Variants in RYR2 observed in about 807,000 individuals in gnomAD.
The protein encoded by RYR2 is cardiac muscle ryanodine receptor-calcium release channel.
RYR2 carries 227 observed loss-of-function variants against 601.1 expected under a neutral mutation model. The observed-to-expected ratio is 0.38, with a 90% CI of 0.34 to 0.42. The LOEUF (loss-of-function observed/expected upper bound fraction) is 0.42. RYR2 is among the 10% of genes least tolerant of loss of function. The pLI, the probability that RYR2 is intolerant of heterozygous loss-of-function variation, is 1.00. For missense variants in RYR2, 4,646 were observed against 6,156.5 expected, an observed-to-expected ratio of 0.75 and a Z score of 8.21; for synonymous variants, 2,223 against 2,175.1, an observed-to-expected ratio of 1.02 and a Z score of -0.61.
At chr1:237,396,628 C>T (rs1261284352) in intron 10 of RYR2, among the ~76,000 whole-genome samples, 1 of 152,216 alleles carries the variant, frequency 6.6e-6, no homozygotes, top group Non-Finnish European at 1.5e-5. Flanking sequence ...AGGCATCTCT[C>T]TTCCTGACTC....
Position 237,566,694 on chromosome 1 carries a change from G to C in RYR2, c.3342G>C (p.Arg1114Ser), listed in dbSNP as rs1040630830. 1 of 1,613,946 alleles carries C rather than the reference G, an allele frequency of 6.2e-7. No individual in the cohort carries two copies. Among genetic ancestry groups the C allele is most frequent in the South Asian group, 1.1e-5 (1 of 91,074 alleles). The change falls in exon 28 of 105, where the codon AGG (arginine) becomes AGC (serine). Residue 1114 changes from arginine to serine, a missense_variant. Coordinates refer to ENST00000366574, the MANE Select transcript of RYR2 (RefSeq NM_001035.3). ...AGACGGTCACTGCTGGAGACATGAG[G>C]GTTGGTTGGAGTCGTCCTGGTTGTC... ...EFETVTAGDM[R>S]VGWSRPGCQP...
intron 1 of RYR2, among the ~76,000 whole-genome samples, chr1:237,193,165 T>TGCA (rs1402978522): frequency 3.6e-4 from 1 of 2,750 alleles, no homozygotes; most frequent in African/African-American, 6.2e-4. Context: ...CTGCTAAAAG[T>TGCA]ACAAAAAAAA....
At chr1:237,324,036 G>T (rs932971817) in intron 2 of RYR2, among the ~76,000 whole-genome samples, 1 of 152,130 alleles carries the variant, frequency 6.6e-6, no homozygotes, top group Non-Finnish European at 1.5e-5. Context: ...ATGAACAGAG[G>T]TGTGAAGCTC....
chr1:237,726,187 T>C (rs1463948372), intron 74 of RYR2, 86 bp from the exon 75 acceptor site: 14 of 914,648 alleles, frequency 1.5e-5, no homozygotes, highest in Non-Finnish European at 2.2e-5. Flanking sequence ...TCAGACATTA[T>C]TACAATCATT....
intron 10 of RYR2, among the ~76,000 whole-genome samples, chr1:237,416,461 G>C (rs1229611631): frequency 6.6e-6 from 1 of 152,010 alleles, no homozygotes; most frequent in Non-Finnish European, 1.5e-5. Context: ...TGGAATTTGG[G>C]TGCATGTGAT....
intron 72 of RYR2, among the ~76,000 whole-genome samples, chr1:237,718,037 G>A (rs1393331817): frequency 5.9e-5 from 9 of 152,178 alleles, no homozygotes; most frequent in Non-Finnish European, 1.3e-4. Context: ...GCTGCATCAC[G>A]CAGCTCTACT....
rs750920709 is a variant in RYR2 at position 237,602,124 on chromosome 1, AT to A, written c.4683+15del. ...GGGAAGAATAAAGGTAATAAAACTT[AT>A]TCCTGGTATTGTATTTGTATTTTTT... is the stretch of plus-strand genomic sequence containing the variant. On this transcript the variant is annotated intron_variant, in intron 35 of 104. Transcript: ENST00000366574. The A allele has an allele frequency of 4.4e-6, 7 of 1,589,160 alleles. No homozygotes were observed. In the South Asian group the frequency reaches 7.9e-5, roughly 18 times the overall value.
intron 1 of RYR2, among the ~76,000 whole-genome samples, chr1:237,189,053 G>A (rs529059036): frequency 3.3e-5 from 5 of 151,928 alleles, no homozygotes; most frequent in South Asian, 2.1e-4. Context: ...TTCCTCCCCC[G>A]TCCTCCTCCC....
intron 27 of RYR2, among the ~76,000 whole-genome samples, chr1:237,563,872 A>G: frequency 6.6e-6 from 1 of 152,324 alleles, no homozygotes; most frequent in African/African-American, 2.4e-5. Context: ...CACAGAAAAG[A>G]GAACCTGGTA....
In RYR2 at chr1:237,784,292, G is replaced by A. The variant is rs762038111; in HGVS notation, c.12580G>A (p.Glu4194Lys). 3.1e-6 allele frequency: 5 copies of A among 1,613,788 alleles called. No homozygotes were observed. In the African/African-American group the frequency reaches 4.0e-5, roughly 13 times the overall value. The change falls in exon 90 of 105, where the codon GAG (glutamate) becomes AAG (lysine). Residue 4194 changes from glutamate (E) to lysine (K), a missense_variant. Glu to Lys is a moderately conservative substitution (Grantham distance 56). This residue lies in a region of RYR2 where 70 missense variants were observed against 164.6 expected (regional missense o/e 0.43). Coordinates refer to ENST00000366574, the MANE Select transcript of RYR2 (RefSeq NM_001035.3). This position sits in a 1 kb window ranked among gnomAD's most constrained non-coding sequence, Gnocchi z 7.1. ...GATGGAACTCTTTGTGAACTTCTGC[G>A]AGGACACCATCTTTGAAATGCAGCT... ...EKMELFVNFC[E>K]DTIFEMQLAA...
intron 79 of RYR2, among the ~76,000 whole-genome samples, chr1:237,740,096 G>C (rs1282176398): frequency 6.6e-6 from 1 of 152,152 alleles, no homozygotes; most frequent in African/African-American, 2.4e-5. Flanking sequence ...CCTGCTACAG[G>C]ACTGTCTAAT....
intron 25 of RYR2, among the ~76,000 whole-genome samples, 167 bp downstream of exon 25, chr1:237,530,677 A>G (rs1225266514): frequency 6.6e-6 from 1 of 152,188 alleles, no homozygotes; most frequent in Non-Finnish European, 1.5e-5. Context: ...TGGGAGGCCA[A>G]GGCAGGTGGA....
At chr1:237,419,635 T>C (rs554083722) in intron 11 of RYR2, among the ~76,000 whole-genome samples, 4 of 152,294 alleles carry the variant, frequency 2.6e-5, no homozygotes, top group Admixed American at 2.6e-4. Flanking sequence ...TTTTCAACCA[T>C]TTAGCAGCTT....
At chr1:237,188,019 T>A (rs1451956948) in intron 1 of RYR2, among the ~76,000 whole-genome samples, 1 of 152,196 alleles carries the variant, frequency 6.6e-6, no homozygotes, top group Non-Finnish European at 1.5e-5. Context: ...CTTGCCCAGA[T>A]CACTAAAGCG....
intron 34 of RYR2, 47 bp from the exon 35 acceptor site, chr1:237,601,978 G>A (rs370484085): frequency 1.3e-6 from 2 of 1,526,786 alleles, no homozygotes; most frequent in Non-Finnish European, 1.8e-6. Flanking sequence ...TTTTTCCCTT[G>A]TCTTGTTTCA....
rs190317414 is a variant in RYR2, at chr1:237,183,129, C to T, written c.49-87368C>T. Among the ~76,000 whole-genome samples, 609 of 152,252 alleles carry T rather than the reference C, an allele frequency of 4.0e-3. 5 individuals carry two copies. The highest frequency in any genetic ancestry group is 0.014 in the African/African-American group (593 of 41,528). ...AAACAAGTCGGCTGTTAGGGGCTTG[C>T]AGATTGGAATAAAGCTATAAGTCAC... is the stretch of plus-strand genomic sequence containing the variant. On this transcript the variant is annotated intron_variant, in intron 1 of 104. Transcript: ENST00000366574.
chr1:237,697,991 G>A (rs966092629), intron 63 of RYR2, among the ~76,000 whole-genome samples: 2 of 152,048 alleles, frequency 1.3e-5, no homozygotes, highest in African/African-American at 4.8e-5. Context: ...ATTTCAGTGT[G>A]TACTTAGGTC....
At chr1:237,282,129 T>C (rs1241366678) in intron 2 of RYR2, among the ~76,000 whole-genome samples, 1 of 151,798 alleles carries the variant, frequency 6.6e-6, no homozygotes, top group East Asian at 1.9e-4. Flanking sequence ...GAGTATGATT[T>C]AGCCATCACT....
chr1:237,550,020 G>A (rs1191645387), intron 26 of RYR2, among the ~76,000 whole-genome samples: 1 of 151,158 alleles, frequency 6.6e-6, no homozygotes, highest in African/African-American at 2.5e-5. Flanking sequence ...AGTGCCCCTG[G>A]CATTGCCGGG....
Sources: gnomAD v4.1 joint callset for allele counts (sites outside exome capture counted in the v4.1 genomes callset) on GRCh38, gnomAD v4.1.1 for gene constraint, gnomAD v4.1.1 regional missense constraint, Gnocchi (gnomAD v3.1) non-coding constraint, MANE v1.5 for transcripts, NCBI Gene and HGNC (gene_info 2026-07-23, HGNC 2026-07-21) for gene names.